The following ROBO1 variants were observed in gnomAD, a reference collection of about 807,000 sequenced individuals.
ROBO1 encodes the protein roundabout homolog 1.
In ROBO1, 149 loss-of-function variants were observed where a neutral mutation model predicts 195.9. The ratio of observed to expected loss-of-function variants is 0.76; its 90% CI spans 0.67 to 0.87. ROBO1 has a LOEUF of 0.87. Among genes scored for constraint, ROBO1 ranks in the 40% least tolerant of loss-of-function variants. The probability of loss-of-function intolerance (pLI) is 0.00; values close to 1 mark genes in which losing one functional copy is unlikely to be tolerated. For missense variants in ROBO1, 1,933 were observed against 2,068.3 expected (o/e 0.93, Z 1.27); for synonymous variants, 816 against 733.2 (o/e 1.11, Z -1.82).
At chr3:79,759,747 A>T (rs1704589808) in intron 1 of ROBO1, among the ~76,000 whole-genome samples, 1 of 152,174 alleles carries the variant, frequency 6.6e-6, no homozygotes, top group Non-Finnish European at 1.5e-5. Flanking sequence ...ATTCAGTGAG[A>T]TGACCATCCA....
intron 4 of ROBO1, among the ~76,000 whole-genome samples, chr3:78,905,883 G>A (rs1364636052): frequency 3.9e-5 from 6 of 152,008 alleles, no homozygotes; most frequent in South Asian, 2.1e-4. Context: ...AGTGGCGGGG[G>A]CAGGATTTGG....
intron 1 of ROBO1, among the ~76,000 whole-genome samples, chr3:79,595,605 TA>T (rs113540749): frequency 0.024 from 3,627 of 151,994 alleles, 97 homozygotes; most frequent in African/African-American, 0.067. Flanking sequence ...AAAACCAAAC[TA>T]TTGCAACCTT....
chr3:79,294,080 A>AAAAAAAAAG (rs1553714583), intron 2 of ROBO1, among the ~76,000 whole-genome samples: 1 of 140,042 alleles, frequency 7.1e-6, no homozygotes. Flanking sequence ...AAAAAAAAAA[A>AAAAAAAAAG]AAAGAAAGAA....
At chr3:78,756,772 C>T (rs1469648897) in intron 4 of ROBO1, among the ~76,000 whole-genome samples, 1 of 152,154 alleles carries the variant, frequency 6.6e-6, no homozygotes, top group African/African-American at 2.4e-5. Flanking sequence ...TTGGGCTATC[C>T]TGCAGAAGAG....
intron 2 of ROBO1, among the ~76,000 whole-genome samples, chr3:79,334,610 A>C (rs2034590945): frequency 6.6e-6 from 1 of 152,006 alleles, no homozygotes; most frequent in African/African-American, 2.4e-5. Context: ...ATGTTTATAG[A>C]CGTCACTAAT....
At chr3:79,380,998 C>T (rs1331043643) in intron 2 of ROBO1, among the ~76,000 whole-genome samples, 1 of 152,108 alleles carries the variant, frequency 6.6e-6, no homozygotes, top group Non-Finnish European at 1.5e-5. Flanking sequence ...ATGAGTGAGT[C>T]CAGCTGAATT....
At chr3:79,726,306 C>G (rs1201267276) in intron 1 of ROBO1, among the ~76,000 whole-genome samples, 1 of 152,152 alleles carries the variant, frequency 6.6e-6, no homozygotes, top group Non-Finnish European at 1.5e-5. Context: ...CTCCTCCAAC[C>G]CCATCTATCT....
chr3:78,661,349 C>A, intron 15 of ROBO1, 88 bp from the exon 16 acceptor site: 2 of 796,704 alleles, frequency 2.5e-6, no homozygotes, highest in East Asian at 2.9e-5. Flanking sequence ...ATAAAATGCA[C>A]AAAATTCTGT....
At chr3:79,008,866 G>A (rs1324388690) in intron 3 of ROBO1, among the ~76,000 whole-genome samples, 1 of 146,252 alleles carries the variant, frequency 6.8e-6, no homozygotes, top group African/African-American at 2.5e-5. Context: ...TAAGATTACA[G>A]GCATGAGCCA....
At chr3:78,613,994 T>C (rs1372471184) in intron 28 of ROBO1, among the ~76,000 whole-genome samples, 1 of 152,092 alleles carries the variant, frequency 6.6e-6, no homozygotes, top group African/African-American at 2.4e-5. Flanking sequence ...GCCTGTGGGG[T>C]TGTTTTATAA....
At chr3:79,322,544 T>C (rs1216172856) in intron 2 of ROBO1, among the ~76,000 whole-genome samples, 1 of 152,174 alleles carries the variant, frequency 6.6e-6, no homozygotes, top group Admixed American at 6.5e-5. Context: ...ATGCCTTACC[T>C]GCTAGGAAAG....
intron 3 of ROBO1, among the ~76,000 whole-genome samples, chr3:78,969,387 C>G (rs1576487746): frequency 6.6e-6 from 1 of 152,252 alleles, no homozygotes; most frequent in East Asian, 1.9e-4. Context: ...ACTTCCATTT[C>G]CTTTTCCTAG....
chr3:79,097,384 G>T (rs1044508005), intron 3 of ROBO1, among the ~76,000 whole-genome samples: 1 of 151,762 alleles, frequency 6.6e-6, no homozygotes, highest in Non-Finnish European at 1.5e-5. Flanking sequence ...GAATTAGAAT[G>T]CTGGGTTTTT....
chr3:79,287,326 T>C (rs556354587), intron 2 of ROBO1, among the ~76,000 whole-genome samples: 4 of 152,274 alleles, frequency 2.6e-5, no homozygotes, highest in Admixed American at 6.5e-5. Context: ...GCCTTGGTGA[T>C]TGCCTGAGTA....
intron 3 of ROBO1, among the ~76,000 whole-genome samples, chr3:78,973,831 T>A (rs1034203840): frequency 6.6e-6 from 1 of 152,030 alleles, no homozygotes; most frequent in African/African-American, 2.4e-5. Flanking sequence ...CTAAAGTTTT[T>A]ATTCTAAACA....
intron 3 of ROBO1, among the ~76,000 whole-genome samples, chr3:78,991,004 T>C (rs190675134): frequency 1.7e-4 from 26 of 152,316 alleles, no homozygotes; most frequent in South Asian, 1.7e-3. Flanking sequence ...TAATAAATCA[T>C]TGTGAAAACA....
At chr3:79,527,701 C>G (rs1363289862) in intron 2 of ROBO1, 2 of 149,624 alleles carry the variant, frequency 1.3e-5, no homozygotes, top group Non-Finnish European at 3.0e-5. Flanking sequence ...AGTATACTGC[C>G]CATGCCAAAA....
In ROBO1 at chr3:78,635,933, A is replaced by G. The variant is rs1455346031; in HGVS notation, c.3213T>C (p.Thr1071=). 1 of 1,613,806 alleles carries G rather than the reference A, an allele frequency of 6.2e-7. No individual in the cohort carries two copies. Among genetic ancestry groups the G allele is most frequent in the Non-Finnish European group, 8.5e-7 (1 of 1,179,858 alleles). The change falls in exon 23 of 31, where the codon ACT becomes ACC. Residue 1071 remains threonine (T), a synonymous_variant. Coordinates refer to ENST00000464233, the MANE Select transcript of ROBO1 (RefSeq NM_002941.4). ...GGATGAGCTGAGTGGTGGCGTAAGG[A>G]GTAGGCTGCCCTGATGGATTGACAA... The part of the protein sequence containing the change: ...GRFVNPSGQP[T]PYATTQLIQS...
chr3:79,008,407 T>C (rs1396331600), intron 3 of ROBO1, among the ~76,000 whole-genome samples: 2 of 152,206 alleles, frequency 1.3e-5, no homozygotes, highest in South Asian at 4.1e-4. Context: ...GGGGAATAAA[T>C]AATTTTATTA....
Sources: allele counts gnomAD v4.1 joint callset (sites outside exome capture counted in the v4.1 genomes callset), GRCh38; gene constraint gnomAD v4.1.1; transcripts MANE v1.5; gene names NCBI Gene and HGNC (gene_info 2026-07-23, HGNC 2026-07-21).